Variants in SPAST observed in about 807,000 individuals in gnomAD.
SPAST encodes spastin.
Under a neutral mutation model 76.6 loss-of-function variants are expected in SPAST, and 30 were observed. The observed-to-expected ratio is 0.39, with a 90% CI of 0.29 to 0.53. The LOEUF (loss-of-function observed/expected upper bound fraction) is 0.53, where lower values mean the gene tolerates loss of function less well. Among genes scored for constraint, SPAST ranks in the 20% least tolerant of loss-of-function variants. SPAST has a pLI of 0.68. For synonymous variants in SPAST, 305 were observed against 281.0 expected (o/e 1.09, Z -0.86); for missense variants, 717 against 770.5 (o/e 0.93, Z 0.82).
chr2:32,117,117 G>A (rs1363584818), intron 7 of SPAST, among the ~76,000 whole-genome samples: 1 of 151,948 alleles, frequency 6.6e-6, no homozygotes, highest in Non-Finnish European at 1.5e-5. Context: ...AAATTAGCTG[G>A]GCTTGGTGGT....
At chr2:32,134,498 G>A (rs1679471381) in intron 9 of SPAST, among the ~76,000 whole-genome samples, 1 of 151,658 alleles carries the variant, frequency 6.6e-6, no homozygotes, top group African/African-American at 2.4e-5. Flanking sequence ...GTGACAAGGT[G>A]TCACTGTGTT....
At position 32,112,046 on chromosome 2, in the gene SPAST, G is replaced by A. The variant is rs541283963; in HGVS notation, c.683-2592G>A. ...TTTTTAGATGGAGCCTCCATCTCCC[G>A]GGTTCAAGTGATTCTCCTGCCTCAG... On this transcript the variant is annotated intron_variant, in intron 4 of 16. Transcript: ENST00000315285. Among the ~76,000 whole-genome samples, 17 of 148,842 alleles carry A rather than the reference G, an allele frequency of 1.1e-4. No individual in the cohort carries two copies. The East Asian group carries it at 1.2e-3, about 10-fold the overall frequency.
intron 9 of SPAST, among the ~76,000 whole-genome samples, chr2:32,134,744 G>A (rs1042299253): frequency 2.0e-5 from 3 of 152,152 alleles, no homozygotes; most frequent in Non-Finnish European, 2.9e-5. Flanking sequence ...GCCCCAGGCC[G>A]AAGTGCAGTT....
intron 1 of SPAST, 69 bp from the exon 2 acceptor site, chr2:32,087,423 C>G (rs950716362): frequency 1.1e-6 from 1 of 942,086 alleles, no homozygotes; most frequent in Middle Eastern, 2.2e-4. Context: ...TATTACCTCT[C>G]AACAGCATGA....
chr2:32,111,552 C>G lies in SPAST; in HGVS notation c.683-3086C>G, dbSNP rs539172316. On this transcript the variant is annotated intron_variant, in intron 4 of 16. Coordinates refer to ENST00000315285, the MANE Select transcript of SPAST (RefSeq NM_014946.4). ...TGATTTAGCAAAATATTGTTTACCC[C>G]AAAGCCACGTATTATATATTAATGA... 6.6e-5 allele frequency among the ~76,000 whole-genome samples: 10 copies of G among 151,266 alleles called. No homozygotes were observed. In the East Asian group the frequency reaches 1.9e-3, roughly 29 times the overall value.
At chr2:32,097,514 G>A (rs149550491) in intron 3 of SPAST, among the ~76,000 whole-genome samples, 2 of 151,976 alleles carry the variant, frequency 1.3e-5, no homozygotes, top group East Asian at 3.9e-4. Flanking sequence ...AAATGGTAGG[G>A]TATTGTATAT....
At chr2:32,080,249 C>G (rs1677149443) in intron 1 of SPAST, among the ~76,000 whole-genome samples, 1 of 152,054 alleles carries the variant, frequency 6.6e-6, no homozygotes, top group Admixed American at 6.6e-5. Context: ...TATTAATGTT[C>G]TTTTCCCATT....
At chr2:32,111,941 T>A (rs2886394) in intron 4 of SPAST, among the ~76,000 whole-genome samples, 144,251 of 147,982 alleles carry the variant, frequency 0.97, 70,326 homozygotes, top group Middle Eastern at 1. Flanking sequence ...ATATACATAT[T>A]TTTATTTATT....
chr2:32,097,126 G>T (rs1164432550), intron 3 of SPAST, among the ~76,000 whole-genome samples: 2 of 152,136 alleles, frequency 1.3e-5, no homozygotes, highest in African/African-American at 2.4e-5. Flanking sequence ...CAGAAGAAAA[G>T]AATCAATTAT....
chr2:32,071,506 C>A (rs1354911962), intron 1 of SPAST, among the ~76,000 whole-genome samples: 2 of 152,066 alleles, frequency 1.3e-5, no homozygotes, highest in Non-Finnish European at 2.9e-5. Context: ...ATATGAGTGA[C>A]CAGTGGCCCA....
In SPAST at chr2:32,087,426, C is replaced by A. The variant is rs420731; in HGVS notation, c.416-66C>A. On this transcript the variant is annotated intron_variant, in intron 1 of 16. Coordinates refer to ENST00000315285, the MANE Select transcript of SPAST (RefSeq NM_014946.4). ...CTGTTTTTTATGTATTACCTCTCAA[C>A]AGCATGATTTGCAATATTTAGTGTA... is the stretch of plus-strand genomic sequence containing the variant. 0.015 allele frequency: 14,106 copies of A among 959,218 alleles called. 171 individuals carry two copies. Among genetic ancestry groups the A allele is most frequent in the African/African-American group, 0.043 (2,697 of 62,238 alleles). 59.4% of individuals were successfully genotyped at this position (959,218 alleles called of 1,614,324 possible). A position where few individuals can be genotyped will look rare whatever the true frequency, so the allele number is the denominator to read the frequency against.
chr2:32,122,737 C>T (rs910484455), intron 7 of SPAST, among the ~76,000 whole-genome samples: 14 of 151,196 alleles, frequency 9.3e-5, no homozygotes, highest in East Asian at 2.0e-4. Context: ...TCCAGGAGTT[C>T]GACACCAGCC....
intron 1 of SPAST, among the ~76,000 whole-genome samples, chr2:32,066,952 T>C (rs948322944): frequency 3.5e-5 from 4 of 113,618 alleles, no homozygotes; most frequent in African/African-American, 1.4e-4. Context: ...CCGAACTGGG[T>C]GACAGGAGTA....
chr2:32,145,074 C>CA (rs925618773), intron 15 of SPAST, 67 bp downstream of exon 15: 146 of 1,191,922 alleles, frequency 1.2e-4, no homozygotes, highest in Non-Finnish European at 1.7e-4. Flanking sequence ...TTAAGAAGTC[C>CA]AAAAAAATCT....
intron 14 of SPAST, 134 bp from the exon 15 acceptor site, chr2:32,144,803 C>T (rs183990030): frequency 1.3e-4 from 87 of 667,806 alleles, no homozygotes; most frequent in Admixed American, 2.3e-4. Context: ...GTAGGAGAAT[C>T]GCTCCAGGAG....
At chr2:32,078,282 G>A (rs1024115983) in intron 1 of SPAST, among the ~76,000 whole-genome samples, 1 of 151,890 alleles carries the variant, frequency 6.6e-6, no homozygotes, top group Non-Finnish European at 1.5e-5. Context: ...AGTGATTGTC[G>A]TGCCTCAGCC....
intron 4 of SPAST, 47 bp downstream of exon 4, chr2:32,098,938 G>A (rs755940821): frequency 1.6e-6 from 2 of 1,256,790 alleles, no homozygotes; most frequent in East Asian, 2.3e-5. Context: ...TGCATGCAAA[G>A]TAAGAGTCTT....
At chr2:32,099,454 G>C (rs1400534431) in intron 4 of SPAST, among the ~76,000 whole-genome samples, 1 of 151,978 alleles carries the variant, frequency 6.6e-6, no homozygotes, top group Admixed American at 6.6e-5. Flanking sequence ...ATGTCTTTCT[G>C]TTTTGTTTTC....
chr2:32,153,342 G>A (rs1216534040), intron 16 of SPAST, among the ~76,000 whole-genome samples: 1 of 69,754 alleles, frequency 1.4e-5, no homozygotes, highest in African/African-American at 5.7e-5. Flanking sequence ...TTTTTTTTTT[G>A]AGAGGGAGTC....
Sources: gnomAD v4.1 joint callset for allele counts (sites outside exome capture counted in the v4.1 genomes callset) on GRCh38, gnomAD v4.1.1 for gene constraint, MANE v1.5 for transcripts, NCBI Gene and HGNC (gene_info 2026-07-23, HGNC 2026-07-21) for gene names.